The following MYO16 variants were observed in gnomAD, a reference collection of about 807,000 sequenced individuals.
The protein encoded by MYO16 is unconventional myosin-XVI.
Under a neutral mutation model 205.3 loss-of-function variants are expected in MYO16, and 94 were observed. The observed-to-expected ratio is 0.46, with a 90% CI of 0.39 to 0.54. MYO16 has a LOEUF of 0.54. MYO16 is among the 20% of genes least tolerant of loss of function. The pLI is 0.00. For missense variants in MYO16, 2,315 were observed against 2,387.5 expected, an observed-to-expected ratio of 0.97 and a Z score of 0.63; for synonymous variants, 988 against 954.0, an observed-to-expected ratio of 1.04 and a Z score of -0.66.
At position 108,671,158 on chromosome 13, in the gene MYO16, T is replaced by A. The variant is rs1056226559; in HGVS notation, c.292+5009T>A. ...CTCTTTTGTGTGTTTCTTTTTTGAA[T>A]GGCAAAGAAGAGAAAGGACTGGATA... On this transcript the variant is annotated intron_variant, in intron 2 of 34. Transcript: ENST00000457511. Among the ~76,000 whole-genome samples the A allele has an allele frequency of 1.6e-4, 24 of 152,192 alleles. 1 individual carries two copies. The highest frequency in any genetic ancestry group is 2.0e-4 in the Admixed American group (3 of 15,276).
At chr13:108,683,633 C>G (rs1398743490) in intron 2 of MYO16, among the ~76,000 whole-genome samples, 1 of 152,164 alleles carries the variant, frequency 6.6e-6, no homozygotes, top group Non-Finnish European at 1.5e-5. Context: ...TGACAACTGC[C>G]TCTGTTTCCT....
chr13:108,587,506 G>A, the MYO16 span, among the ~76,000 whole-genome samples: 10 of 152,218 alleles, frequency 6.6e-5, no homozygotes, highest in Admixed American at 2.0e-4. Context: ...TGTCAGAAAT[G>A]TTATTCACGT....
chr13:108,545,555 T>C, the MYO16 span, among the ~76,000 whole-genome samples: 1 of 152,220 alleles, frequency 6.6e-6, no homozygotes, highest in Non-Finnish European at 1.5e-5. Context: ...GTACTTCTAT[T>C]TGAAGTTCAC....
At chr13:108,857,990 G>T (rs2139106931) in intron 11 of MYO16, among the ~76,000 whole-genome samples, 1 of 152,266 alleles carries the variant, frequency 6.6e-6, no homozygotes, top group East Asian at 1.9e-4. Context: ...AATCGATTAG[G>T]ATCAATTTTG....
chr13:108,777,723 T>G (rs1043744741), intron 4 of MYO16, among the ~76,000 whole-genome samples: 14 of 152,174 alleles, frequency 9.2e-5, no homozygotes, highest in African/African-American at 3.4e-4. Flanking sequence ...TGAAATCTCT[T>G]CTAAGTGGTC....
intron 27 of MYO16, among the ~76,000 whole-genome samples, chr13:109,079,384 TG>T (rs748396963): frequency 1.2e-5 from 1 of 85,500 alleles, no homozygotes; most frequent in Non-Finnish European, 2.5e-5. Context: ...ACCTACTGTA[TG>T]GGTTTTTTTT....
At chr13:108,698,551 T>A (rs1172030411) in intron 2 of MYO16, among the ~76,000 whole-genome samples, 2 of 152,298 alleles carry the variant, frequency 1.3e-5, no homozygotes, top group South Asian at 2.1e-4. Flanking sequence ...GATAAGGATG[T>A]CATAGAATTA....
intron 2 of MYO16, among the ~76,000 whole-genome samples, chr13:108,705,312 T>G (rs1883467616): frequency 1.3e-5 from 2 of 152,132 alleles, no homozygotes; most frequent in Admixed American, 1.3e-4. Flanking sequence ...TGATCCGGGA[T>G]CACCTGGAAC....
At chr13:108,677,374 C>CAT (rs1283876520) in intron 2 of MYO16, among the ~76,000 whole-genome samples, 16 of 114,022 alleles carry the variant, frequency 1.4e-4, no homozygotes, top group Middle Eastern at 4.9e-3. Context: ...TATATATATG[C>CAT]ATATATATAT....
At chr13:108,751,143 C>A (rs6492144) in intron 4 of MYO16, among the ~76,000 whole-genome samples, 2 of 151,818 alleles carry the variant, frequency 1.3e-5, no homozygotes, top group Non-Finnish European at 2.9e-5. Context: ...CTTTCATAGC[C>A]ATGAGCACAC....
At chr13:109,165,637 C>T (rs905176645) in intron 33 of MYO16, among the ~76,000 whole-genome samples, 13 of 152,164 alleles carry the variant, frequency 8.5e-5, no homozygotes, top group African/African-American at 3.1e-4. Context: ...TTTGTTTAGT[C>T]TAATTAGAGG....
intron 33 of MYO16, among the ~76,000 whole-genome samples, chr13:109,165,993 C>T (rs1401673286): frequency 6.6e-6 from 1 of 152,132 alleles, no homozygotes; most frequent in African/African-American, 2.4e-5. Flanking sequence ...GTACATTTTC[C>T]CCAAAGGGCA....
Position 109,141,682 on chromosome 13 carries a change from C to G in MYO16, c.5164+306C>G, listed in dbSNP as rs1877105249. On this transcript the variant is annotated intron_variant, in intron 32 of 34. Coordinates refer to ENST00000457511, the MANE Select transcript of MYO16 (RefSeq NM_001198950.3). This position sits in a 1 kb window ranked among gnomAD's most constrained non-coding sequence, Gnocchi z 4.1. Reference sequence around the variant, plus strand: ...TCGACAGAGCAAGGTTAAATGTTAGCTACTAATTTCTTTTTTTAAAAAAAT... The same window carrying G: ...TCGACAGAGCAAGGTTAAATGTTAGGTACTAATTTCTTTTTTTAAAAAAAT... Among the ~76,000 whole-genome samples the G allele has an allele frequency of 6.6e-6, 1 of 152,154 alleles. No individual in the cohort carries two copies. The highest frequency in any genetic ancestry group is 1.5e-5 in the Non-Finnish European group (1 of 68,036).
At chr13:109,000,823 A>G (rs1594459023) in intron 21 of MYO16, among the ~76,000 whole-genome samples, 1 of 152,114 alleles carries the variant, frequency 6.6e-6, no homozygotes, top group Non-Finnish European at 1.5e-5. Flanking sequence ...TTAGCATATT[A>G]TTATATAAGA....
At chr13:108,654,298 C>T (rs1036895624) in intron 1 of MYO16, among the ~76,000 whole-genome samples, 13 of 152,102 alleles carry the variant, frequency 8.5e-5, no homozygotes, top group African/African-American at 1.7e-4. Flanking sequence ...ATTTGAATCA[C>T]GGGGGCGGTT....
intron 4 of MYO16, among the ~76,000 whole-genome samples, chr13:108,769,962 G>A (rs1885908286): frequency 6.6e-6 from 1 of 152,118 alleles, no homozygotes; most frequent in African/African-American, 2.4e-5. Flanking sequence ...CTAGATATAT[G>A]TATAATAATG....
chr13:108,993,621 G>A (rs553344236), intron 21 of MYO16, among the ~76,000 whole-genome samples: 1 of 152,200 alleles, frequency 6.6e-6, no homozygotes, highest in African/African-American at 2.4e-5. Context: ...GAACTATAGA[G>A]GCAATAGATC....
chr13:108,903,920 T>C (rs1410687638), intron 15 of MYO16, among the ~76,000 whole-genome samples: 5 of 152,090 alleles, frequency 3.3e-5, no homozygotes, highest in African/African-American at 7.2e-5. Context: ...ACAGATTGAG[T>C]TTATACTTTA....
At chr13:109,051,841 A>G (rs1306743814) in intron 24 of MYO16, among the ~76,000 whole-genome samples, 2 of 152,174 alleles carry the variant, frequency 1.3e-5, no homozygotes, top group African/African-American at 4.8e-5. Flanking sequence ...GCACCAAGTA[A>G]GGCAGGTCCT....
Sources: allele counts gnomAD v4.1 joint callset (sites outside exome capture counted in the v4.1 genomes callset), GRCh38; gene constraint gnomAD v4.1.1; non-coding constraint Gnocchi (gnomAD v3.1); transcripts MANE v1.5; gene names NCBI Gene and HGNC (gene_info 2026-07-23, HGNC 2026-07-21).